The following EPHA4 variants were observed in gnomAD, a reference collection of about 807,000 sequenced individuals.
EPHA4 encodes EPH receptor A4.
EPHA4 carries 19 observed loss-of-function variants against 108.3 expected under a neutral mutation model. The ratio of observed to expected loss-of-function variants is 0.18; its 90% CI spans 0.12 to 0.26. The LOEUF (loss-of-function observed/expected upper bound fraction) is 0.26, where lower values mean the gene tolerates loss of function less well. EPHA4 is among the 10% of genes least tolerant of loss of function. EPHA4 has a pLI of 1.00. For synonymous variants in EPHA4, 449 were observed against 455.5 expected, an observed-to-expected ratio of 0.99 and a Z score of 0.18; for missense variants, 917 against 1,254.0, an observed-to-expected ratio of 0.73 and a Z score of 4.06.
At chr2:221,546,778 T>A (rs1335648051) in intron 3 of EPHA4, among the ~76,000 whole-genome samples, 1 of 152,190 alleles carries the variant, frequency 6.6e-6, no homozygotes, top group African/African-American at 2.4e-5. Flanking sequence ...TATAAAGAAA[T>A]CTTTTGGAAA....
chr2:221,485,281 GA>G (rs1007760136), intron 4 of EPHA4, among the ~76,000 whole-genome samples: 3 of 151,022 alleles, frequency 2.0e-5, no homozygotes, highest in South Asian at 2.1e-4. Flanking sequence ...CTTCCACGTG[GA>G]AAAAAAAATG....
At chr2:221,542,841 T>C (rs1458934819) in intron 3 of EPHA4, among the ~76,000 whole-genome samples, 1 of 152,170 alleles carries the variant, frequency 6.6e-6, no homozygotes, top group Non-Finnish European at 1.5e-5. Context: ...AGTGTTAAAA[T>C]TAATTGATTT....
chr2:221,452,507 C>T (rs561308265), intron 8 of EPHA4, among the ~76,000 whole-genome samples: 11 of 152,316 alleles, frequency 7.2e-5, no homozygotes, highest in South Asian at 6.2e-4. Context: ...AGACAACCTG[C>T]GTGAGGAGAA....
chr2:221,474,115 G>A (rs1025373), intron 5 of EPHA4, among the ~76,000 whole-genome samples: 3,529 of 152,116 alleles, frequency 0.023, 87 homozygotes, highest in East Asian at 0.08. Flanking sequence ...TTACCACTAC[G>A]TTCTATAGAC....
intron 3 of EPHA4, among the ~76,000 whole-genome samples, chr2:221,502,003 C>G (rs1012413242): frequency 1.3e-5 from 2 of 152,040 alleles, no homozygotes; most frequent in Admixed American, 1.3e-4. Flanking sequence ...ATGCACACAC[C>G]TCCCGAGAGC....
At chr2:221,476,286 C>T (rs1691651862) in intron 5 of EPHA4, among the ~76,000 whole-genome samples, 1 of 152,168 alleles carries the variant, frequency 6.6e-6, no homozygotes, top group Admixed American at 6.5e-5. Context: ...TCCAGAGGTG[C>T]CCCTCATACC....
intron 16 of EPHA4, 79 bp downstream of exon 16, chr2:221,426,385 A>G: frequency 6.7e-7 from 1 of 1,491,218 alleles, no homozygotes; most frequent in Admixed American, 2.4e-5. Context: ...GAGTAGGATG[A>G]TTACGCAGCT....
At chr2:221,473,614 A>G (rs1486201016) in intron 5 of EPHA4, among the ~76,000 whole-genome samples, 2 of 149,304 alleles carry the variant, frequency 1.3e-5, no homozygotes, top group Non-Finnish European at 3.0e-5. Context: ...GGAAGCTTTG[A>G]TAAAGTTTCT....
intron 4 of EPHA4, among the ~76,000 whole-genome samples, chr2:221,495,571 C>T (rs190266654): frequency 1.1e-4 from 16 of 152,278 alleles, no homozygotes; most frequent in East Asian, 3.9e-4. Context: ...GAAAATGTTC[C>T]GATGGTGCTT....
chr2:221,420,217 T>G lies in EPHA4; in HGVS notation c.*1155A>C, dbSNP rs1473402731. Reference sequence around the variant, plus strand: ...GCAGCAGTGACACACAGGAATGAAATATGGAAATACATATAAATAAAACCG... The same window carrying G: ...GCAGCAGTGACACACAGGAATGAAAGATGGAAATACATATAAATAAAACCG... On this transcript the variant is annotated 3_prime_UTR_variant, in exon 18 of 18. Coordinates refer to ENST00000281821, the MANE Select transcript of EPHA4 (RefSeq NM_004438.5). 1 of 151,920 alleles carries G rather than the reference T, an allele frequency of 6.6e-6. No homozygotes were observed. Among genetic ancestry groups the G allele is most frequent in the Admixed American group, 6.6e-5 (1 of 15,218 alleles). 9.4% of individuals were successfully genotyped at this position (151,920 alleles called of 1,614,324 possible).
At position 221,505,455 on chromosome 2, in the gene EPHA4, A is replaced by G. The variant is rs1011244871; in HGVS notation, c.824-4283T>C. On this transcript the variant is annotated intron_variant, in intron 3 of 17. Coordinates refer to ENST00000281821, the MANE Select transcript of EPHA4 (RefSeq NM_004438.5). ...ATTCCCCTGCCTCAACCTCCTGAGT[A>G]GCTGGGATTACAGGCGCCTGCCACT... Among the ~76,000 whole-genome samples the G allele has an allele frequency of 5.9e-5, 9 of 152,094 alleles. 1 individual carries two copies. In the South Asian group the frequency reaches 1.9e-3, roughly 32 times the overall value.
chr2:221,492,473 T>C (rs1165515276), intron 4 of EPHA4, among the ~76,000 whole-genome samples: 2 of 152,190 alleles, frequency 1.3e-5, no homozygotes, highest in African/African-American at 4.8e-5. Context: ...CTGGGGTCTA[T>C]CTAGTGCCTT....
intron 13 of EPHA4, 77 bp from the exon 14 acceptor site, chr2:221,434,368 G>A: frequency 6.7e-7 from 1 of 1,499,192 alleles, no homozygotes; most frequent in Admixed American, 1.9e-5. Flanking sequence ...TGTAGTTCCT[G>A]CTAGCCAAGC....
intron 8 of EPHA4, among the ~76,000 whole-genome samples, chr2:221,452,924 T>G (rs1055228324): frequency 6.6e-6 from 1 of 152,212 alleles, no homozygotes; most frequent in African/African-American, 2.4e-5. Context: ...AATAAACTTG[T>G]CTCCCCGCAT....
At chr2:221,522,497 C>T (rs113957013) in intron 3 of EPHA4, among the ~76,000 whole-genome samples, 2,079 of 152,234 alleles carry the variant, frequency 0.014, 25 homozygotes, top group Admixed American at 0.017. Context: ...ATTCTTGACA[C>T]GACACCACTC....
intron 3 of EPHA4, among the ~76,000 whole-genome samples, chr2:221,503,244 T>G (rs1344146696): frequency 6.6e-6 from 1 of 152,190 alleles, no homozygotes; most frequent in Admixed American, 6.5e-5. Flanking sequence ...AAACTGCATA[T>G]TACTGACTGA....
At chr2:221,485,786 T>C (rs2086797966) in intron 4 of EPHA4, among the ~76,000 whole-genome samples, 1 of 152,166 alleles carries the variant, frequency 6.6e-6, no homozygotes, top group Admixed American at 6.5e-5. Context: ...AGAATAAAAG[T>C]ATTCTATTCT....
At chr2:221,461,939 G>A (rs1345366267) in intron 5 of EPHA4, among the ~76,000 whole-genome samples, 5 of 150,652 alleles carry the variant, frequency 3.3e-5, no homozygotes, top group African/African-American at 4.9e-5. Context: ...CCTGCTGAGT[G>A]TCAGAAGCAA....
intron 11 of EPHA4, among the ~76,000 whole-genome samples, chr2:221,441,565 A>G (rs1349959905): frequency 6.6e-6 from 1 of 152,132 alleles, no homozygotes; most frequent in African/African-American, 2.4e-5. Flanking sequence ...GAACCCAGGT[A>G]CCAAGACGGG....
Sources: allele counts gnomAD v4.1 joint callset (sites outside exome capture counted in the v4.1 genomes callset), GRCh38; gene constraint gnomAD v4.1.1; transcripts MANE v1.5; gene names NCBI Gene and HGNC (gene_info 2026-07-23, HGNC 2026-07-21).